The following SLC9A8 variants were observed in gnomAD, a reference collection of about 807,000 sequenced individuals.
SLC9A8 encodes the protein sodium/hydrogen exchanger 8.
In SLC9A8, 48 loss-of-function variants were observed where a neutral mutation model predicts 66.6. The observed-to-expected ratio is 0.72, with a 90% CI of 0.57 to 0.92. The LOEUF is 0.92. Ranked by LOEUF, SLC9A8 falls within the 40% of genes least tolerant of loss-of-function variation. The pLI is 0.00. For missense variants in SLC9A8, 599 were observed against 747.3 expected (o/e 0.80, Z 2.31); for synonymous variants, 274 against 282.6 (o/e 0.97, Z 0.31).
At chr20:49,884,538 G>C (rs1398582518) in intron 14 of SLC9A8, among the ~76,000 whole-genome samples, 2 of 152,056 alleles carry the variant, frequency 1.3e-5, no homozygotes, top group African/African-American at 4.8e-5. Context: ...CCTCTGCCCT[G>C]CCAGCAGCTG....
In SLC9A8 at chr20:49,820,735, G is replaced by A. The variant is rs191769090; in HGVS notation, c.209-2326G>A. On this transcript the variant is annotated intron_variant, in intron 2 of 15. Transcript: ENST00000361573. Reference sequence around the variant, plus strand: ...TAATTTTTGTATTTTTAGTAGAGACGGCGTTTCACCATGTTGGCCAGGCTG... The same window carrying A: ...TAATTTTTGTATTTTTAGTAGAGACAGCGTTTCACCATGTTGGCCAGGCTG... Among the ~76,000 whole-genome samples the A allele has an allele frequency of 1.1e-4, 16 of 151,820 alleles. No homozygotes were observed. In the East Asian group the frequency reaches 2.0e-3, roughly 19 times the overall value.
intron 11 of SLC9A8, among the ~76,000 whole-genome samples, chr20:49,875,241 C>T (rs1311893278): frequency 6.7e-6 from 1 of 149,554 alleles, no homozygotes; most frequent in African/African-American, 2.5e-5. Flanking sequence ...TCACTTGAGC[C>T]CAGGAGTTCA....
At chr20:49,857,735 A>G (rs958366015) in intron 8 of SLC9A8, among the ~76,000 whole-genome samples, 3 of 152,144 alleles carry the variant, frequency 2.0e-5, no homozygotes, top group Admixed American at 6.5e-5. Flanking sequence ...ACAAACAAAC[A>G]AAAGGGTACT....
At chr20:49,815,341 A>G in intron 2 of SLC9A8, 152 bp downstream of exon 2, 1 of 488,890 alleles carries the variant, frequency 2.0e-6, no homozygotes, top group South Asian at 5.6e-5. Flanking sequence ...AGTTTATAAC[A>G]TCATTAACAG....
At position 49,862,955 on chromosome 20, in the gene SLC9A8, A is replaced by G; in HGVS notation, c.740A>G (p.Asn247Ser). 1 of 1,613,160 alleles carries G rather than the reference A, an allele frequency of 6.2e-7. No homozygotes were observed. The highest frequency in any genetic ancestry group is 8.5e-7 in the Non-Finnish European group (1 of 1,179,342). The change falls in exon 9 of 16, where the codon AAT becomes AGT. Residue 247 changes from asparagine to serine, a missense_variant. Asn to Ser is a conservative substitution (Grantham distance 46). Coordinates refer to ENST00000361573, the MANE Select transcript of SLC9A8 (RefSeq NM_015266.3). ...TNTAEGLTRK[N>S]MSDVSGWQTF... ...ACAGCTGAAGGTTTAACAAGAAAAA[A>G]TATGTCAGATGTCAGTGGGTGGCAA...
Position 49,852,698 on chromosome 20 carries a change from C to T in SLC9A8, c.569+1854C>T, listed in dbSNP as rs543183628. Among the ~76,000 whole-genome samples, 4 of 152,246 alleles carry T rather than the reference C, an allele frequency of 2.6e-5. No individual in the cohort carries two copies. The South Asian group carries it at 8.3e-4, about 32-fold the overall frequency. ...AACAGCTGACAGCCAGGTGAAATAA[C>T]CGTCTTTCCATACAGACCTCTCAAT... On this transcript the variant is annotated intron_variant, in intron 7 of 15. Coordinates refer to ENST00000361573, the MANE Select transcript of SLC9A8 (RefSeq NM_015266.3).
At chr20:49,858,391 C>T (rs749668872) in intron 8 of SLC9A8, among the ~76,000 whole-genome samples, 2 of 149,922 alleles carry the variant, frequency 1.3e-5, no homozygotes, top group African/African-American at 2.5e-5. Context: ...TATCTCGTAT[C>T]CTGGCTACAC....
intron 8 of SLC9A8, among the ~76,000 whole-genome samples, chr20:49,856,594 G>T (rs978926064): frequency 2.0e-5 from 3 of 152,176 alleles, no homozygotes; most frequent in Non-Finnish European, 2.9e-5. Context: ...GGCCAAGGCG[G>T]GTGGATCACC....
Position 49,830,154 on chromosome 20 carries a change from T to C in SLC9A8, c.289+7013T>C, listed in dbSNP as rs1413217707. On this transcript the variant is annotated intron_variant, in intron 3 of 15. Coordinates refer to ENST00000361573, the MANE Select transcript of SLC9A8 (RefSeq NM_015266.3). ...GGCAATCACAAAGAAGTTGAAAATA[T>C]GTGAAGAGGAAACTGGTTCCACCTC... 8.0e-6 allele frequency: 6 copies of C among 754,316 alleles called. No individual in the cohort carries two copies. In the South Asian group the frequency reaches 8.1e-5, roughly 10 times the overall value. 46.7% of individuals were successfully genotyped at this position (754,316 alleles called of 1,614,324 possible). A position where few individuals can be genotyped will look rare whatever the true frequency, so the allele number is the denominator to read the frequency against.
At chr20:49,834,354 ATATATATATACTGTG>A (rs765194664) in intron 3 of SLC9A8, among the ~76,000 whole-genome samples, 23,902 of 98,530 alleles carry the variant, frequency 0.24, 4,270 homozygotes, top group Non-Finnish European at 0.32. Context: ...TATACTGTAT[ATATATATATACTGTG>A]TATATATATA....
Position 49,889,961 on chromosome 20 carries a change from TCACCAG to T in SLC9A8, c.*2026_*2031del, listed in dbSNP as rs2146805903. On this transcript the variant is annotated 3_prime_UTR_variant, in exon 16 of 16. Coordinates refer to ENST00000361573, the MANE Select transcript of SLC9A8 (RefSeq NM_015266.3). ...GATCCCATTTCCGTCTGCCCCCTCG[TCACCAG>T]GTGTGATAGCCCCAGCCAGGTCACA... 1 of 152,350 alleles carries T rather than the reference TCACCAG, an allele frequency of 6.6e-6. No homozygotes were observed. The highest frequency in any genetic ancestry group is 1.9e-4 in the East Asian group (1 of 5,180). The allele number at this position is 152,350 out of a possible 1,614,324, so 9.4% of individuals were successfully genotyped here. A position where few individuals can be genotyped will look rare whatever the true frequency, so the allele number is the denominator to read the frequency against.
intron 10 of SLC9A8, among the ~76,000 whole-genome samples, chr20:49,867,268 G>A (rs1302310110): frequency 1.3e-5 from 2 of 152,034 alleles, no homozygotes; most frequent in African/African-American, 4.8e-5. Flanking sequence ...TTTTTTGTGT[G>A]TGTGTGTTAT....
In SLC9A8 at chr20:49,862,942, T is replaced by A. The variant is rs770262671; in HGVS notation, c.727T>A (p.Leu243Ile). Reference sequence around the variant, plus strand: ...TTCATTTCCTAGCACAGCTGAAGGTTTAACAAGAAAAAATATGTCAGATGT... The same window carrying A: ...TTCATTTCCTAGCACAGCTGAAGGTATAACAAGAAAAAATATGTCAGATGT... ...SIVLTNTAEG[L>I]TRKNMSDVSG... The change falls in exon 9 of 16, where the codon TTA (leucine) becomes ATA (isoleucine). Residue 243 changes from leucine to isoleucine, a missense_variant. Leu to Ile is a conservative substitution (Grantham distance 5, BLOSUM62 2). Transcript: ENST00000361573. 8.6e-5 allele frequency: 138 copies of A among 1,612,442 alleles called. No homozygotes were observed. Among genetic ancestry groups the A allele is most frequent in the Non-Finnish European group, 1.1e-4 (132 of 1,178,840 alleles).
intron 10 of SLC9A8, among the ~76,000 whole-genome samples, chr20:49,868,550 T>G (rs141791212): frequency 2.6e-5 from 4 of 152,312 alleles, no homozygotes; most frequent in Non-Finnish European, 5.9e-5. Context: ...CCCAAGACCA[T>G]GGAGCAGGAC....
At chr20:49,827,992 G>A (rs1273574714) in intron 3 of SLC9A8, among the ~76,000 whole-genome samples, 1 of 151,012 alleles carries the variant, frequency 6.6e-6, no homozygotes. Context: ...AGTACTTTTG[G>A]CCAGTTACAG....
chr20:49,852,469 G>A lies in SLC9A8; in HGVS notation c.569+1625G>A, dbSNP rs184309051. On this transcript the variant is annotated intron_variant, in intron 7 of 15. Coordinates refer to ENST00000361573, the MANE Select transcript of SLC9A8 (RefSeq NM_015266.3). ...CTGTAGAAAACATAAAAATAACTTC[G>A]TTGCACACGTTTTGTTTTGTTCTAG... is the stretch of plus-strand genomic sequence containing the variant. 8.0e-4 allele frequency among the ~76,000 whole-genome samples: 122 copies of A among 152,174 alleles called. 1 individual carries two copies. Among genetic ancestry groups the A allele is most frequent in the Middle Eastern group, 6.8e-3 (2 of 294 alleles).
rs1287749959 is a variant in SLC9A8, at chr20:49,827,027, C to T, written c.289+3886C>T. 4.6e-5 allele frequency among the ~76,000 whole-genome samples: 7 copies of T among 151,678 alleles called. No individual in the cohort carries two copies. The East Asian group carries it at 5.9e-4, about 13-fold the overall frequency. On this transcript the variant is annotated intron_variant, in intron 3 of 15. Transcript: ENST00000361573. ...CACGATCTTGGCGCACTGCAACCTCCGCCCCCTGGGTTCAAGCGATTCTCC... is the reference window on the plus strand; with the variant it reads ...CACGATCTTGGCGCACTGCAACCTCTGCCCCCTGGGTTCAAGCGATTCTCC...
chr20:49,889,160 AT>A lies in SLC9A8; in HGVS notation c.*1225del, dbSNP rs1344988855. ...ATGGAATGACTCCCATCCTCTCCTC[AT>A]CTCCCCTTTGACGAGCCTCAAACTG... On this transcript the variant is annotated 3_prime_UTR_variant, in exon 16 of 16. Coordinates refer to ENST00000361573, the MANE Select transcript of SLC9A8 (RefSeq NM_015266.3). The A allele has an allele frequency of 6.6e-6, 1 of 152,110 alleles. No homozygotes were observed. Among genetic ancestry groups the A allele is most frequent in the Non-Finnish European group, 1.5e-5 (1 of 68,044 alleles). 9.4% of individuals were successfully genotyped at this position (152,110 alleles called of 1,614,324 possible). A position where few individuals can be genotyped will look rare whatever the true frequency, so the allele number is the denominator to read the frequency against.
In SLC9A8 at chr20:49,851,208, A is replaced by G. The variant is rs563751946; in HGVS notation, c.569+364A>G. On this transcript the variant is annotated intron_variant, in intron 7 of 15. Transcript: ENST00000361573. ...TAACAAAAAGTCTTCTTGACAGATT[A>G]GAGATGGAGAGGGGGAGTGACGGAG... 2.6e-5 allele frequency among the ~76,000 whole-genome samples: 4 copies of G among 152,342 alleles called. No individual in the cohort carries two copies. In the East Asian group the frequency reaches 7.7e-4, roughly 29 times the overall value.
Sources: gnomAD v4.1 joint callset for allele counts (sites outside exome capture counted in the v4.1 genomes callset) on GRCh38, gnomAD v4.1.1 for gene constraint, MANE v1.5 for transcripts, NCBI Gene and HGNC (gene_info 2026-07-23, HGNC 2026-07-21) for gene names.